TBL1XR1: variants seen among roughly 807,000 people sequenced by gnomAD.
TBL1XR1 encodes TBL1X/Y related 1.
Under a neutral mutation model 66.9 loss-of-function variants are expected in TBL1XR1, and 5 were observed. The ratio of observed to expected loss-of-function variants is 0.07; its 90% CI spans 0.04 to 0.16. TBL1XR1 has a LOEUF of 0.16. TBL1XR1 is among the 10% of genes least tolerant of loss of function. The probability of loss-of-function intolerance (pLI) is 1.00; values close to 1 mark genes in which losing one functional copy is unlikely to be tolerated. For missense variants in TBL1XR1, 238 were observed against 623.2 expected, an observed-to-expected ratio of 0.38 and a Z score of 6.58; for synonymous variants, 210 against 206.0, an observed-to-expected ratio of 1.02 and a Z score of -0.17.
Position 177,025,420 on chromosome 3 carries a change from T to A in TBL1XR1, c.*78A>T. The A allele has an allele frequency of 5.4e-6, 8 of 1,468,190 alleles. No individual in the cohort carries two copies. The highest frequency in any genetic ancestry group is 7.6e-6 in the Non-Finnish European group (8 of 1,052,734). 90.9% of individuals were successfully genotyped at this position (1,468,190 alleles called of 1,614,324 possible). A position where few individuals can be genotyped will look rare whatever the true frequency, so the allele number is the denominator to read the frequency against. ...ACTGGCCATGGTTCAAGTGGGACTA[T>A]AGCAGTACATGGGTCAGGGACAGTC... On this transcript the variant is annotated 3_prime_UTR_variant, in exon 16 of 16. Coordinates refer to ENST00000457928, the MANE Select transcript of TBL1XR1 (RefSeq NM_024665.7).
At chr3:177,144,496 G>A (rs1730009141) in intron 1 of TBL1XR1, among the ~76,000 whole-genome samples, 1 of 152,142 alleles carries the variant, frequency 6.6e-6, no homozygotes, top group African/African-American at 2.4e-5. Context: ...GCTCACGCCT[G>A]TAATCCCAGC....
At chr3:177,157,011 C>T (rs1731599581) in intron 1 of TBL1XR1, among the ~76,000 whole-genome samples, 1 of 152,326 alleles carries the variant, frequency 6.6e-6, no homozygotes, top group South Asian at 2.1e-4. Context: ...AAGTCTGACA[C>T]AGGTCTCACT....
intron 1 of TBL1XR1, among the ~76,000 whole-genome samples, chr3:177,112,107 A>ATATATATATATATATTTTTTTT: frequency 2.7e-4 from 10 of 37,648 alleles, no homozygotes; most frequent in East Asian, 1.8e-3. Context: ...ATATATATAT[A>ATATATATATATATATTTTTTTT]TTTTTTTTTT....
rs897788760 is a variant in TBL1XR1 at position 177,197,100 on chromosome 3, G to A, written c.-122+21C>T. On this transcript the variant is annotated intron_variant, in intron 1 of 15. Coordinates refer to ENST00000457928, the MANE Select transcript of TBL1XR1 (RefSeq NM_024665.7). Reference sequence around the variant, plus strand: ...AGGCCCCCGGCCGCCCCCACTCCAGGGTCCGGCCCCCAGCGCTTACCTGGA... The same window carrying A: ...AGGCCCCCGGCCGCCCCCACTCCAGAGTCCGGCCCCCAGCGCTTACCTGGA... 7.9e-4 allele frequency: 120 copies of A among 151,856 alleles called. 1 individual carries two copies. The highest frequency in any genetic ancestry group is 2.7e-3 in the African/African-American group (111 of 41,426). 9.4% of individuals were successfully genotyped at this position (151,856 alleles called of 1,614,324 possible). A position where few individuals can be genotyped will look rare whatever the true frequency, so the allele number is the denominator to read the frequency against.
intron 10 of TBL1XR1, among the ~76,000 whole-genome samples, chr3:177,041,445 C>T (rs143747898): frequency 4.6e-5 from 7 of 152,216 alleles, no homozygotes; most frequent in Non-Finnish European, 7.3e-5. Flanking sequence ...TCCCTCCCCC[C>T]CATCCTGCTT....
At chr3:177,162,058 A>G (rs987743812) in intron 1 of TBL1XR1, among the ~76,000 whole-genome samples, 2 of 152,242 alleles carry the variant, frequency 1.3e-5, no homozygotes, top group African/African-American at 4.8e-5. Flanking sequence ...AGCAGTTTCT[A>G]AAGTTAAACA....
intron 1 of TBL1XR1, among the ~76,000 whole-genome samples, chr3:177,120,482 C>T (rs1726857151): frequency 6.6e-6 from 1 of 152,196 alleles, no homozygotes; most frequent in African/African-American, 2.4e-5. Context: ...AGTCTTCTAA[C>T]TTCCTCACTC....
chr3:177,048,153 G>A (rs1169159396), intron 7 of TBL1XR1, among the ~76,000 whole-genome samples: 1 of 152,090 alleles, frequency 6.6e-6, no homozygotes, highest in African/African-American at 2.4e-5. Context: ...AGCACAGGCT[G>A]ACTTTATAGT....
chr3:177,090,410 G>A (rs1161568195), intron 2 of TBL1XR1, among the ~76,000 whole-genome samples: 7 of 151,896 alleles, frequency 4.6e-5, no homozygotes, highest in African/African-American at 7.3e-5. Context: ...CCAGCATAGT[G>A]GCTCAGGCCT....
chr3:177,195,645 A>T (rs1736750805), intron 1 of TBL1XR1: 1 of 151,888 alleles, frequency 6.6e-6, no homozygotes, highest in Admixed American at 6.6e-5. Flanking sequence ...GGGCCTTATT[A>T]TCCAAACTGG....
At chr3:177,088,919 T>A (rs1722485751) in intron 2 of TBL1XR1, among the ~76,000 whole-genome samples, 1 of 152,172 alleles carries the variant, frequency 6.6e-6, no homozygotes. Context: ...AAAATGAAAG[T>A]AACAATGAAC....
intron 2 of TBL1XR1, among the ~76,000 whole-genome samples, chr3:177,085,905 G>A (rs1722058744): frequency 6.6e-6 from 1 of 152,102 alleles, no homozygotes; most frequent in Admixed American, 6.6e-5. Context: ...TTAAAAGAAT[G>A]CTGGAGTGCA....
upstream of TBL1XR1, among the ~76,000 whole-genome samples, chr3:177,201,178 C>A (rs889728125): frequency 6.6e-6 from 1 of 150,394 alleles, no homozygotes; most frequent in Non-Finnish European, 1.5e-5. Context: ...TTTGGGAGGC[C>A]GAGGCGGGCG....
At chr3:177,174,183 G>A (rs896292908) in intron 1 of TBL1XR1, among the ~76,000 whole-genome samples, 5 of 152,064 alleles carry the variant, frequency 3.3e-5, no homozygotes, top group Admixed American at 3.3e-4. Context: ...GGAGGCCAAG[G>A]CGGATCACGA....
intron 1 of TBL1XR1, among the ~76,000 whole-genome samples, chr3:177,189,940 G>C (rs1311814988): frequency 6.6e-6 from 1 of 151,862 alleles, no homozygotes; most frequent in African/African-American, 2.4e-5. Flanking sequence ...ACACTACTAA[G>C]GAAATAATGA....
At chr3:177,140,262 T>G (rs997001435) in intron 1 of TBL1XR1, among the ~76,000 whole-genome samples, 2 of 152,190 alleles carry the variant, frequency 1.3e-5, no homozygotes, top group African/African-American at 4.8e-5. Context: ...ATGGAGCCAC[T>G]GCACTCCAGC....
At chr3:177,153,520 GATGT>G (rs1467024769) in intron 1 of TBL1XR1, among the ~76,000 whole-genome samples, 1 of 152,158 alleles carries the variant, frequency 6.6e-6, no homozygotes, top group Non-Finnish European at 1.5e-5. Context: ...GGGAGAAATA[GATGT>G]ATGCTATTAT....
At chr3:177,030,700 G>C (rs549955922) in intron 14 of TBL1XR1, among the ~76,000 whole-genome samples, 69 of 152,310 alleles carry the variant, frequency 4.5e-4, no homozygotes, top group Non-Finnish European at 8.4e-4. Context: ...TGTTTGAAAT[G>C]TATAATTATT....
At chr3:177,192,344 TTGCACTCCAACC>T (rs1301386948) in intron 1 of TBL1XR1, among the ~76,000 whole-genome samples, 45 of 150,734 alleles carry the variant, frequency 3.0e-4, no homozygotes, top group Admixed American at 2.3e-3. Context: ...GATCGCGCCA[TTGCACTCCAACC>T]TGCACTCCAA....
Sources: allele counts gnomAD v4.1 joint callset (sites outside exome capture counted in the v4.1 genomes callset), GRCh38; gene constraint gnomAD v4.1.1; transcripts MANE v1.5; gene names NCBI Gene and HGNC (gene_info 2026-07-23, HGNC 2026-07-21).